The following COL5A2 variants were observed in gnomAD, a reference collection of about 807,000 sequenced individuals.
COL5A2 encodes the protein collagen type V alpha 2 chain.
COL5A2 carries 23 observed loss-of-function variants against 208.2 expected under a neutral mutation model. The ratio of observed to expected loss-of-function variants is 0.11; its 90% CI spans 0.08 to 0.16. The LOEUF is 0.16. COL5A2 is among the 10% of genes least tolerant of loss of function. The pLI is 1.00. For synonymous variants in COL5A2, 625 were observed against 628.5 expected (o/e 0.99, Z 0.08); for missense variants, 1,590 against 1,956.4 (o/e 0.81, Z 3.53).
chr2:189,309,882 G>A, the COL5A2 span, among the ~76,000 whole-genome samples: 5 of 152,168 alleles, frequency 3.3e-5, no homozygotes, highest in Non-Finnish European at 5.9e-5. Context: ...TAGAGGTCAC[G>A]CTTAAAACTG....
chr2:189,429,931 A>G, the COL5A2 span, among the ~76,000 whole-genome samples: 26 of 152,260 alleles, frequency 1.7e-4, no homozygotes, highest in Non-Finnish European at 2.4e-4. Flanking sequence ...AGTGGAACAG[A>G]GAGAAAATTA....
chr2:189,321,213 T>C, the COL5A2 span, among the ~76,000 whole-genome samples: 2 of 152,082 alleles, frequency 1.3e-5, no homozygotes, highest in Admixed American at 6.6e-5. Flanking sequence ...TGCAAAAACA[T>C]GCCAAATTGT....
At chr2:189,088,864 T>G in intron 7 of COL5A2, 92 bp from the exon 8 acceptor site, 1 of 987,060 alleles carries the variant, frequency 1.0e-6, no homozygotes, top group Middle Eastern at 2.1e-4. Flanking sequence ...TCTAGAATTC[T>G]TATAGAATGA....
chr2:189,398,412 T>G, the COL5A2 span, among the ~76,000 whole-genome samples: 4 of 152,150 alleles, frequency 2.6e-5, no homozygotes, highest in Admixed American at 1.3e-4. Context: ...TTTAGTACTG[T>G]CAATGCTTGC....
chr2:189,345,948 GAATA>G, the COL5A2 span, among the ~76,000 whole-genome samples: 3 of 152,268 alleles, frequency 2.0e-5, no homozygotes, highest in East Asian at 3.9e-4. Flanking sequence ...GTGGATGTAT[GAATA>G]AATATTAATT....
At chr2:189,430,911 C>T in the COL5A2 span, among the ~76,000 whole-genome samples, 1 of 152,166 alleles carries the variant, frequency 6.6e-6, no homozygotes, top group African/African-American at 2.4e-5. Context: ...TGGGAGACAC[C>T]TCCCAGTAGG....
chr2:189,111,232 A>ATGTG (rs1202173681), intron 1 of COL5A2, among the ~76,000 whole-genome samples: 35 of 149,072 alleles, frequency 2.3e-4, no homozygotes, highest in African/African-American at 8.1e-4. Context: ...ACACATATAT[A>ATGTG]TGTGTGTGTG....
intron 45 of COL5A2, 27 bp downstream of exon 45, chr2:189,048,182 T>C (rs950130100): frequency 3.4e-5 from 55 of 1,608,644 alleles, no homozygotes; most frequent in Non-Finnish European, 4.5e-5. Context: ...TGACTTTAGA[T>C]TTTATAATAA....
chr2:189,091,187 G>C (rs1417258878), intron 7 of COL5A2, among the ~76,000 whole-genome samples: 1 of 152,164 alleles, frequency 6.6e-6, no homozygotes, highest in African/African-American at 2.4e-5. Flanking sequence ...AGTAATTGCA[G>C]ATATGATGGC....
At chr2:189,306,766 T>G in the COL5A2 span, among the ~76,000 whole-genome samples, 1 of 152,226 alleles carries the variant, frequency 6.6e-6, no homozygotes, top group Non-Finnish European at 1.5e-5. Context: ...CTAGAATAAT[T>G]CCGCTTTCTT....
chr2:189,039,197 C>T, intron 51 of COL5A2, 75 bp downstream of exon 51: 3 of 1,529,598 alleles, frequency 2.0e-6, no homozygotes, highest in Non-Finnish European at 2.7e-6. Context: ...AAGTCAGTAA[C>T]ATATTTTGGA....
chr2:189,328,533 T>C, the COL5A2 span, among the ~76,000 whole-genome samples: 1 of 152,108 alleles, frequency 6.6e-6, no homozygotes, highest in African/African-American at 2.4e-5. Flanking sequence ...ACCAGTTAAT[T>C]CTCCCCTTCC....
the COL5A2 span, among the ~76,000 whole-genome samples, chr2:189,278,272 G>C: frequency 6.6e-6 from 1 of 152,000 alleles, no homozygotes; most frequent in South Asian, 2.1e-4. Context: ...ATTAAAACTT[G>C]CTTAATTTCT....
At chr2:189,372,154 A>T in the COL5A2 span, among the ~76,000 whole-genome samples, 1 of 152,226 alleles carries the variant, frequency 6.6e-6, no homozygotes, top group African/African-American at 2.4e-5. Context: ...AAGAGGGTGC[A>T]AGCCTCTAAA....
intron 50 of COL5A2, among the ~76,000 whole-genome samples, chr2:189,040,999 G>C (rs1381585418): frequency 6.6e-6 from 1 of 152,214 alleles, no homozygotes; most frequent in African/African-American, 2.4e-5. Context: ...ACACCAGAGA[G>C]AGAAGCATAA....
At chr2:189,221,374 A>G (rs1301165134) in intron 1 of COL5A2, among the ~76,000 whole-genome samples, 1 of 152,160 alleles carries the variant, frequency 6.6e-6, no homozygotes, top group Non-Finnish European at 1.5e-5. Context: ...GGAAATGGAT[A>G]AAGACCTAGA....
upstream of COL5A2, among the ~76,000 whole-genome samples, chr2:189,183,516 TA>T (rs957152085): frequency 4.6e-5 from 7 of 152,152 alleles, no homozygotes; most frequent in African/African-American, 1.4e-4. Context: ...GTGCCTCAAT[TA>T]AACATCTCCC....
chr2:189,108,993 G>A lies in COL5A2; in HGVS notation c.322+1232C>T, dbSNP rs114272325. On this transcript the variant is annotated intron_variant, in intron 2 of 53. Transcript: ENST00000374866. ...AGTTTTTTTTTTTTTTTGGTTCACG[G>A]TAAAATGATAGGTCAGAATTTTCAC... is the stretch of plus-strand genomic sequence containing the variant. Among the ~76,000 whole-genome samples, 1,054 of 145,752 alleles carry A rather than the reference G, an allele frequency of 7.2e-3. 11 individuals are homozygous for A. The highest frequency in any genetic ancestry group is 0.025 in the African/African-American group (989 of 39,618).
chr2:189,435,016 A>C, the COL5A2 span, among the ~76,000 whole-genome samples: 1 of 152,208 alleles, frequency 6.6e-6, no homozygotes, highest in Non-Finnish European at 1.5e-5. Flanking sequence ...CTCAGAAATA[A>C]CACCACATGT....
Sources: gnomAD v4.1 joint callset for allele counts (sites outside exome capture counted in the v4.1 genomes callset) on GRCh38, gnomAD v4.1.1 for gene constraint, MANE v1.5 for transcripts, NCBI Gene and HGNC (gene_info 2026-07-23, HGNC 2026-07-21) for gene names.